ESYT2: variants seen among roughly 807,000 people sequenced by gnomAD.
The protein encoded by ESYT2 is extended synaptotagmin 2, also known as extended synaptotagmin-2.
Under a neutral mutation model 107.2 loss-of-function variants are expected in ESYT2, and 54 were observed. The observed-to-expected ratio is 0.50, with a 90% CI of 0.40 to 0.63. The LOEUF (loss-of-function observed/expected upper bound fraction) is 0.63. Ranked by LOEUF, ESYT2 falls within the 30% of genes least tolerant of loss-of-function variation. ESYT2 has a pLI of 0.00. For synonymous variants in ESYT2, 491 were observed against 434.1 expected (o/e 1.13, Z -1.63); for missense variants, 1,020 against 1,094.5 (o/e 0.93, Z 0.96).
At chr7:158,736,104 A>G (rs1289332089) in intron 20 of ESYT2, among the ~76,000 whole-genome samples, 1 of 152,214 alleles carries the variant, frequency 6.6e-6, no homozygotes, top group Non-Finnish European at 1.5e-5. Flanking sequence ...GCTGCACTAA[A>G]GTGCCTGCAG....
At chr7:158,810,689 A>T (rs910318186) in intron 1 of ESYT2, among the ~76,000 whole-genome samples, 1 of 110,176 alleles carries the variant, frequency 9.1e-6, no homozygotes, top group Middle Eastern at 4.2e-3. Flanking sequence ...CTTGGGGGGG[A>T]AAAAAAAAGG....
chr7:158,827,078 T>C (rs1156549794), intron 1 of ESYT2, among the ~76,000 whole-genome samples: 2 of 149,656 alleles, frequency 1.3e-5, no homozygotes, highest in Non-Finnish European at 3.0e-5. Flanking sequence ...CAGGAGAATC[T>C]TTTGAACCCT....
chr7:158,788,164 G>A (rs1413438289), intron 5 of ESYT2, 71 bp from the exon 6 acceptor site: 2 of 1,352,606 alleles, frequency 1.5e-6, no homozygotes, highest in African/African-American at 2.9e-5. Flanking sequence ...CAAGGAGTTT[G>A]CATGCGAATC....
At chr7:158,769,325 G>A (rs1252196679) in intron 7 of ESYT2, among the ~76,000 whole-genome samples, 1 of 152,238 alleles carries the variant, frequency 6.6e-6, no homozygotes, top group Non-Finnish European at 1.5e-5. Context: ...GACACTGGCT[G>A]TGTGTTCACC....
At chr7:158,813,274 GA>G (rs1203562985) in intron 1 of ESYT2, among the ~76,000 whole-genome samples, 11 of 152,292 alleles carry the variant, frequency 7.2e-5, no homozygotes, top group African/African-American at 2.6e-4. Flanking sequence ...AGGAAGAGTT[GA>G]ATTGAAGCAC....
In ESYT2 at chr7:158,743,526, T is replaced by A; in HGVS notation, c.1794+3A>T. 3 of 1,607,944 alleles carry A rather than the reference T, an allele frequency of 1.9e-6. No homozygotes were observed. Among genetic ancestry groups the A allele is most frequent in the Non-Finnish European group, 2.5e-6 (3 of 1,178,068 alleles). On this transcript the variant is annotated splice_donor_region_variant and intron_variant, in intron 17 of 22. Transcript: ENST00000275418. ...TGGTGTTCACTGCAGGACGACACGA[T>A]ACCCGCAGGGCAATCTTCATCTTGA...
Position 158,734,415 on chromosome 7 carries a change from C to A in ESYT2, c.2555+7G>T, listed in dbSNP as rs767382524. The A allele has an allele frequency of 6.2e-7, 1 of 1,613,790 alleles. No individual in the cohort carries two copies. Among genetic ancestry groups the A allele is most frequent in the Admixed American group, 1.7e-5 (1 of 59,988 alleles). ...TGGGGTTCTCTGTCTGCAGCAGGGA[C>A]ACTCACCACTGGGTCCAGCCTTTGG... On this transcript the variant is annotated splice_region_variant and intron_variant, in intron 22 of 22. Transcript: ENST00000275418.
intron 6 of ESYT2, among the ~76,000 whole-genome samples, chr7:158,775,332 T>C (rs965759364): frequency 6.6e-6 from 1 of 152,018 alleles, no homozygotes; most frequent in Admixed American, 6.6e-5. Flanking sequence ...ACAGTGAAGT[T>C]TGCTGCATTG....
At chr7:158,814,750 T>A (rs533226234) in intron 1 of ESYT2, among the ~76,000 whole-genome samples, 2 of 152,360 alleles carry the variant, frequency 1.3e-5, no homozygotes, top group East Asian at 3.9e-4. Context: ...TTTTATGGGC[T>A]GGGCCCAGCT....
chr7:158,779,776 G>A (rs147186399), intron 6 of ESYT2, among the ~76,000 whole-genome samples: 3 of 152,194 alleles, frequency 2.0e-5, no homozygotes, highest in African/African-American at 7.2e-5. Flanking sequence ...GGAATGACTG[G>A]CAGACAGCCC....
intron 1 of ESYT2, among the ~76,000 whole-genome samples, chr7:158,818,190 C>T (rs950574188): frequency 1.3e-5 from 2 of 152,068 alleles, no homozygotes; most frequent in African/African-American, 4.8e-5. Context: ...GTTATATGTA[C>T]AAAATGTAAA....
intron 1 of ESYT2, 86 bp from the exon 2 acceptor site, chr7:158,799,158 TAC>T (rs1839560018): frequency 2.5e-6 from 3 of 1,212,894 alleles, no homozygotes; most frequent in South Asian, 2.5e-5. Context: ...ATTCTCATCA[TAC>T]GTCCTATGTT....
chr7:158,808,225 GAAAC>G (rs1298743303), intron 1 of ESYT2, among the ~76,000 whole-genome samples: 1 of 152,218 alleles, frequency 6.6e-6, no homozygotes, highest in African/African-American at 2.4e-5. Context: ...GAAACTTCCA[GAAAC>G]AAACAATTCG....
chr7:158,764,809 C>A lies in ESYT2; in HGVS notation c.969G>T (p.Gly323=). 1.2e-6 allele frequency: 2 copies of A among 1,614,154 alleles called. No individual in the cohort carries two copies. Among genetic ancestry groups the A allele is most frequent in the Non-Finnish European group, 8.5e-7 (1 of 1,180,024 alleles). The change falls in exon 9 of 23, where the codon GGG becomes GGT. Residue 323 remains glycine, a synonymous_variant. Coordinates refer to ENST00000275418, the MANE Select transcript of ESYT2 (RefSeq NM_001367773.1). ...IHFIEAQDLQ[G]KDTYLKGLVK... ...CAAGTCCCTTAAGGTAAGTGTCTTT[C>A]CCCTGAAGATCCTGAGCTTCAATAA...
At chr7:158,746,907 C>A (rs1010263777) in intron 16 of ESYT2, among the ~76,000 whole-genome samples, 2 of 152,184 alleles carry the variant, frequency 1.3e-5, no homozygotes, top group African/African-American at 4.8e-5. Context: ...AAAAAATTAG[C>A]CAGGCATGGT....
chr7:158,734,302 G>A (rs1188405011), intron 22 of ESYT2, 50 bp from the exon 23 acceptor site: 1 of 1,613,492 alleles, frequency 6.2e-7, no homozygotes, highest in South Asian at 1.1e-5. Context: ...GACCAAGTAG[G>A]AAAAGCCTAT....
intron 1 of ESYT2, among the ~76,000 whole-genome samples, 168 bp downstream of exon 1, chr7:158,828,921 C>T (rs1275829823): frequency 2.8e-5 from 4 of 140,364 alleles, no homozygotes; most frequent in Non-Finnish European, 6.3e-5. Context: ...GGAAGGGAAG[C>T]GCCTGCCTGG....
intron 1 of ESYT2, among the ~76,000 whole-genome samples, chr7:158,801,059 G>A (rs929887793): frequency 1.3e-5 from 2 of 152,066 alleles, no homozygotes; most frequent in Admixed American, 6.6e-5. Flanking sequence ...GGGAGGAGGC[G>A]GCACCCATGC....
At chr7:158,813,557 A>G (rs1295858354) in intron 1 of ESYT2, among the ~76,000 whole-genome samples, 1 of 152,242 alleles carries the variant, frequency 6.6e-6, no homozygotes, top group African/African-American at 2.4e-5. Flanking sequence ...GAAGTCTATT[A>G]ATTTAACTAA....
Sources: allele counts gnomAD v4.1 joint callset (sites outside exome capture counted in the v4.1 genomes callset), GRCh38; gene constraint gnomAD v4.1.1; transcripts MANE v1.5; gene names NCBI Gene and HGNC (gene_info 2026-07-23, HGNC 2026-07-21).